Variants in SCAMP4 observed in about 807,000 individuals in gnomAD.
SCAMP4 encodes secretory carrier-associated membrane protein 4.
Under a neutral mutation model 32.1 loss-of-function variants are expected in SCAMP4, and 19 were observed. The ratio of observed to expected loss-of-function variants is 0.59; its 90% CI spans 0.41 to 0.87. SCAMP4 has a LOEUF of 0.87. Ranked by LOEUF, SCAMP4 falls within the 40% of genes least tolerant of loss-of-function variation. SCAMP4 has a pLI of 0.00. For missense variants in SCAMP4, 302 were observed against 309.0 expected, an observed-to-expected ratio of 0.98 and a Z score of 0.17; for synonymous variants, 152 against 132.7, an observed-to-expected ratio of 1.15 and a Z score of -1.00.
intron 1 of SCAMP4, among the ~76,000 whole-genome samples, chr19:1,913,662 T>TGGAC (rs1353939728): frequency 6.6e-6 from 1 of 152,156 alleles, no homozygotes; most frequent in Non-Finnish European, 1.5e-5. Flanking sequence ...CCCAAGTGTG[T>TGGAC]GGACACTAGG....
At chr19:1,919,351 G>A in intron 5 of SCAMP4, 1 of 1,134,582 alleles carries the variant, frequency 8.8e-7, no homozygotes. Flanking sequence ...ACGGATCGCT[G>A]CAGGAGGAAG....
chr19:1,914,678 T>G, intron 1 of SCAMP4: 185 of 431,994 alleles, frequency 4.3e-4, no homozygotes, highest in Non-Finnish European at 5.2e-4. Context: ...GAAGCCGGGA[T>G]TTGGGGGACG....
intron 1 of SCAMP4, among the ~76,000 whole-genome samples, chr19:1,914,142 T>C (rs2145443109): frequency 6.6e-6 from 1 of 152,234 alleles, no homozygotes. Flanking sequence ...GCCTCCTTCA[T>C]GCTCAGGTGC....
At chr19:1,905,684 C>G (rs1180315129) in intron 1 of SCAMP4, 1 of 154,946 alleles carries the variant, frequency 6.5e-6, no homozygotes, top group African/African-American at 2.4e-5. Flanking sequence ...ACCGCGCTCC[C>G]CCGGGCCTAG....
At chr19:1,919,041 G>C in intron 5 of SCAMP4, 51 bp downstream of exon 5, 1 of 1,565,356 alleles carries the variant, frequency 6.4e-7, no homozygotes, top group South Asian at 1.2e-5. Context: ...TCAGCTGCCA[G>C]GTTGTGGGCC....
chr19:1,919,718 C>T (rs1198142959), intron 5 of SCAMP4, among the ~76,000 whole-genome samples: 2 of 151,562 alleles, frequency 1.3e-5, no homozygotes. Flanking sequence ...AGGCTGGTAT[C>T]GAACTCCCGA....
rs576351388 is a variant in SCAMP4 at position 1,923,679 on chromosome 19, T to C, written c.514-429T>C. ...TGTCACCCAGGCTGGAGTGTAGTGG[T>C]GCGATCTCTGCTCACTGCAAGCTCC... On this transcript the variant is annotated intron_variant, in intron 6 of 6. Coordinates refer to ENST00000316097, the MANE Select transcript of SCAMP4 (RefSeq NM_079834.4). Among the ~76,000 whole-genome samples the C allele has an allele frequency of 7.0e-3, 991 of 140,684 alleles. 12 individuals carry two copies. Among genetic ancestry groups the C allele is most frequent in the Non-Finnish European group, 0.011 (708 of 65,804 alleles). The allele number at this position is 140,684 out of a possible 152,430, so 92.3% of individuals were successfully genotyped here. A position where few individuals can be genotyped will look rare whatever the true frequency, so the allele number is the denominator to read the frequency against.
intron 1 of SCAMP4, among the ~76,000 whole-genome samples, chr19:1,911,595 A>C (rs534787388): frequency 6.6e-6 from 1 of 152,308 alleles, no homozygotes; most frequent in East Asian, 1.9e-4. Context: ...AGCCTGAACG[A>C]CGTGGTGAAA....
chr19:1,910,979 C>T (rs1308008818), intron 1 of SCAMP4, among the ~76,000 whole-genome samples: 1 of 151,636 alleles, frequency 6.6e-6, no homozygotes, highest in Non-Finnish European at 1.5e-5. Context: ...CTTCTGGGTT[C>T]TCCTGCAAGC....
intron 1 of SCAMP4, among the ~76,000 whole-genome samples, chr19:1,910,319 C>T (rs2013375176): frequency 6.6e-6 from 1 of 152,256 alleles, no homozygotes; most frequent in South Asian, 2.1e-4. Context: ...TGCTCAGTTC[C>T]TGGCCACATG....
intron 1 of SCAMP4, chr19:1,912,410 G>C: frequency 6.6e-7 from 1 of 1,513,786 alleles, no homozygotes; most frequent in Non-Finnish European, 8.8e-7. Context: ...GCCCGCGCTC[G>C]CTGGCTGAGC....
At chr19:1,922,477 C>T (rs57897683) in intron 5 of SCAMP4, 110,460 of 916,356 alleles carry the variant, frequency 0.12, 7,371 homozygotes, top group East Asian at 0.34. Flanking sequence ...TCAAGTGATC[C>T]GCCCGCCTCG....
intron 2 of SCAMP4, among the ~76,000 whole-genome samples, chr19:1,917,037 C>T (rs759595269): frequency 6.6e-6 from 1 of 152,254 alleles, no homozygotes; most frequent in Non-Finnish European, 1.5e-5. Context: ...CGGTGGCTCA[C>T]GCCTGTTATC....
At chr19:1,910,622 G>T (rs2013393358) in intron 1 of SCAMP4, among the ~76,000 whole-genome samples, 1 of 147,706 alleles carries the variant, frequency 6.8e-6, no homozygotes, top group Non-Finnish European at 1.5e-5. Context: ...CTGTCACCAG[G>T]CTGGAGTGCA....
intron 5 of SCAMP4, chr19:1,921,990 C>T: frequency 3.0e-6 from 3 of 985,502 alleles, no homozygotes; most frequent in Non-Finnish European, 3.6e-6. Context: ...TCCCCGGACA[C>T]ATCCGGGGGT....
At chr19:1,922,209 G>A in intron 5 of SCAMP4, 1 of 985,458 alleles carries the variant, frequency 1.0e-6, no homozygotes, top group Non-Finnish European at 1.2e-6. Flanking sequence ...GGGACCCAGG[G>A]CGTGCTGGCC....
chr19:1,912,471 G>C (rs774600353), intron 1 of SCAMP4: 17 of 1,501,888 alleles, frequency 1.1e-5, no homozygotes, highest in Non-Finnish European at 1.4e-5. Flanking sequence ...ACCCTTCCTG[G>C]TGCCCGTGCC....
At chr19:1,922,691 C>T in intron 5 of SCAMP4, 1 of 992,356 alleles carries the variant, frequency 1.0e-6, no homozygotes, top group Non-Finnish European at 1.2e-6. Flanking sequence ...CTCAGTGGGG[C>T]CTTTGAGTCT....
chr19:1,918,755 C>CT lies in SCAMP4; in HGVS notation c.294-134_294-133insT, dbSNP rs2013819944. 3.9e-6 allele frequency: 5 copies of CT among 1,283,612 alleles called. No individual in the cohort carries two copies. The South Asian group carries it at 8.0e-5, about 20-fold the overall frequency. The allele number at this position is 1,283,612 out of a possible 1,614,324, so 79.5% of individuals were successfully genotyped here. A position where few individuals can be genotyped will look rare whatever the true frequency, so the allele number is the denominator to read the frequency against. The stretch of plus-strand genomic sequence containing the variant: ...CCAGCCTGGGCGACAGAGTGAGACT[C>CT]CATCTCAAAAAAAAAAAAAAAGGAA... On this transcript the variant is annotated intron_variant, in intron 4 of 6. Coordinates refer to ENST00000316097, the MANE Select transcript of SCAMP4 (RefSeq NM_079834.4).
Sources: gnomAD v4.1 joint callset for allele counts (sites outside exome capture counted in the v4.1 genomes callset) on GRCh38, gnomAD v4.1.1 for gene constraint, MANE v1.5 for transcripts, NCBI Gene and HGNC (gene_info 2026-07-23, HGNC 2026-07-21) for gene names.